SLC9A9: variants seen among roughly 807,000 people sequenced by gnomAD.
SLC9A9 encodes sodium/hydrogen exchanger 9.
SLC9A9 carries 62 observed loss-of-function variants against 77.8 expected under a neutral mutation model. The observed-to-expected ratio is 0.80, with a 90% CI of 0.65 to 0.98. SLC9A9 has a LOEUF of 0.98. Among genes scored for constraint, SLC9A9 ranks in the 50% least tolerant of loss-of-function variants. SLC9A9 has a pLI of 0.00. For synonymous variants in SLC9A9, 320 were observed against 283.5 expected (o/e 1.13, Z -1.29); for missense variants, 775 against 774.9 (o/e 1.00, Z 0.00).
chr3:143,486,435 T>G (rs1251009213), intron 11 of SLC9A9, among the ~76,000 whole-genome samples: 1 of 152,116 alleles, frequency 6.6e-6, no homozygotes, highest in Non-Finnish European at 1.5e-5. Context: ...GTTTGTAACT[T>G]CACTTTTTCT....
At chr3:143,594,440 GATAAT>G (rs1285752439) in intron 6 of SLC9A9, among the ~76,000 whole-genome samples, 8 of 151,130 alleles carry the variant, frequency 5.3e-5, no homozygotes, top group Non-Finnish European at 1.0e-4. Flanking sequence ...TCATAGCAGA[GATAAT>G]ATTATTTACA....
chr3:143,706,722 A>C (rs1933990363), intron 4 of SLC9A9, among the ~76,000 whole-genome samples: 1 of 152,206 alleles, frequency 6.6e-6, no homozygotes, highest in South Asian at 2.1e-4. Flanking sequence ...TGTCTAACCC[A>C]CAGCCCACAG....
rs1035484276 is a variant in SLC9A9, at chr3:143,552,250, G to T, written c.1089+112C>A. ...TATCCAACTCGTAATGAAGCCTTAAGCTTACATTCTTCCTTTACTAATGAA... is the reference window on the plus strand; with the variant it reads ...TATCCAACTCGTAATGAAGCCTTAATCTTACATTCTTCCTTTACTAATGAA... On this transcript the variant is annotated intron_variant, in intron 9 of 15. Coordinates refer to ENST00000316549, the MANE Select transcript of SLC9A9 (RefSeq NM_173653.4). 9.4e-6 allele frequency: 7 copies of T among 743,424 alleles called. No individual in the cohort carries two copies. The African/African-American group carries it at 1.2e-4, about 13-fold the overall frequency. The allele number at this position is 743,424 out of a possible 1,614,324, so 46.1% of individuals were successfully genotyped here.
chr3:143,430,094 G>A (rs952876787), intron 12 of SLC9A9, among the ~76,000 whole-genome samples: 1 of 152,148 alleles, frequency 6.6e-6, no homozygotes, highest in Admixed American at 6.5e-5. Context: ...AGGGGAGAGG[G>A]CATTTTCAGT....
At chr3:143,752,793 G>A (rs1345461511) in intron 4 of SLC9A9, among the ~76,000 whole-genome samples, 1 of 152,008 alleles carries the variant, frequency 6.6e-6, no homozygotes, top group East Asian at 1.9e-4. Flanking sequence ...GATAAAAATG[G>A]GAGATAAGCT....
intron 12 of SLC9A9, among the ~76,000 whole-genome samples, chr3:143,417,693 AC>A (rs1435174237): frequency 6.6e-6 from 1 of 151,854 alleles, no homozygotes; most frequent in African/African-American, 2.4e-5. Context: ...CCAGGAACAG[AC>A]TCTGCCAGCA....
At chr3:143,269,237 C>T (rs1452393453) in intron 14 of SLC9A9, among the ~76,000 whole-genome samples, 1 of 152,184 alleles carries the variant, frequency 6.6e-6, no homozygotes, top group African/African-American at 2.4e-5. Flanking sequence ...TGTGCTCTTC[C>T]CATCCTATCC....
chr3:143,588,860 T>C (rs528007867), intron 6 of SLC9A9, among the ~76,000 whole-genome samples: 12 of 152,350 alleles, frequency 7.9e-5, no homozygotes, highest in Admixed American at 4.6e-4. Flanking sequence ...AGAATAATTC[T>C]CATGGCCTAA....
intron 6 of SLC9A9, among the ~76,000 whole-genome samples, chr3:143,650,351 G>A (rs2108746992): frequency 1.3e-5 from 2 of 152,322 alleles, no homozygotes; most frequent in Middle Eastern, 3.4e-3. Context: ...GGAAATACGT[G>A]TGTGTAAATA....
rs78958263 is a variant in SLC9A9, at chr3:143,703,766, A to C, written c.534-10459T>G. On this transcript the variant is annotated intron_variant, in intron 4 of 15. Coordinates refer to ENST00000316549, the MANE Select transcript of SLC9A9 (RefSeq NM_173653.4). ...AGACAACAATACAAATGATCAATAA[A>C]ACAAAAAGTCAGTTGTTTTATTTTG... 1.8e-3 allele frequency among the ~76,000 whole-genome samples: 278 copies of C among 152,288 alleles called. 1 individual carries two copies. The highest frequency in any genetic ancestry group is 4.8e-3 in the African/African-American group (198 of 41,582).
At chr3:143,664,259 C>G (rs529961870) in intron 5 of SLC9A9, among the ~76,000 whole-genome samples, 1 of 152,166 alleles carries the variant, frequency 6.6e-6, no homozygotes, top group Non-Finnish European at 1.5e-5. Flanking sequence ...GAAATAAAAT[C>G]CTTTCCAGAC....
chr3:143,694,856 T>C (rs1300367898), intron 4 of SLC9A9, among the ~76,000 whole-genome samples: 1 of 152,162 alleles, frequency 6.6e-6, no homozygotes, highest in Non-Finnish European at 1.5e-5. Context: ...CCTAAGAACT[T>C]AGAAATAATT....
chr3:143,838,828 A>G (rs537245700), intron 1 of SLC9A9, among the ~76,000 whole-genome samples: 1 of 152,360 alleles, frequency 6.6e-6, no homozygotes, highest in South Asian at 2.1e-4. Flanking sequence ...ATAATAATTT[A>G]AGGAAACCAA....
intron 14 of SLC9A9, among the ~76,000 whole-genome samples, chr3:143,282,662 A>C (rs1027906778): frequency 6.6e-5 from 10 of 152,158 alleles, no homozygotes; most frequent in African/African-American, 2.4e-4. Context: ...GACTCTCTGG[A>C]GCTCCAGCAG....
At chr3:143,600,915 A>G (rs1033877895) in intron 6 of SLC9A9, among the ~76,000 whole-genome samples, 9 of 152,206 alleles carry the variant, frequency 5.9e-5, no homozygotes, top group African/African-American at 2.2e-4. Context: ...GCTGGAGATC[A>G]GAAGAATAAT....
intron 11 of SLC9A9, among the ~76,000 whole-genome samples, chr3:143,481,596 A>G: frequency 6.6e-6 from 1 of 152,210 alleles, no homozygotes; most frequent in Non-Finnish European, 1.5e-5. Flanking sequence ...CAGAAGAAAA[A>G]CCATGAATTG....
chr3:143,587,816 CA>C (rs762404252), intron 6 of SLC9A9, among the ~76,000 whole-genome samples: 11 of 152,256 alleles, frequency 7.2e-5, no homozygotes, highest in East Asian at 1.9e-4. Context: ...TGGATGCCAC[CA>C]CCTAAACGAG....
At chr3:143,373,758 T>G (rs1222525620) in intron 13 of SLC9A9, among the ~76,000 whole-genome samples, 5 of 151,744 alleles carry the variant, frequency 3.3e-5, no homozygotes, top group Admixed American at 3.3e-4. Context: ...CAATAAAAAT[T>G]ATGCAATTTG....
intron 5 of SLC9A9, among the ~76,000 whole-genome samples, chr3:143,660,178 A>G (rs1407034087): frequency 1.3e-5 from 2 of 152,242 alleles, no homozygotes; most frequent in Admixed American, 6.5e-5. Flanking sequence ...ATCATGTTAC[A>G]TTATGTGGGC....
Sources: allele counts gnomAD v4.1 joint callset (sites outside exome capture counted in the v4.1 genomes callset), GRCh38; gene constraint gnomAD v4.1.1; transcripts MANE v1.5; gene names NCBI Gene and HGNC (gene_info 2026-07-23, HGNC 2026-07-21).